Variants in ASIC2 observed in about 807,000 individuals in gnomAD.
The protein encoded by ASIC2 is acid-sensing ion channel 2.
ASIC2 carries 25 observed loss-of-function variants against 57.3 expected under a neutral mutation model. The ratio of observed to expected loss-of-function variants is 0.44; its 90% CI spans 0.32 to 0.61. ASIC2 has a LOEUF of 0.61. Among genes scored for constraint, ASIC2 ranks in the 20% least tolerant of loss-of-function variants. The probability of loss-of-function intolerance (pLI) is 0.06; values close to 1 mark genes in which losing one functional copy is unlikely to be tolerated. For synonymous variants in ASIC2, 319 were observed against 307.5 expected (o/e 1.04, Z -0.39); for missense variants, 641 against 738.1 (o/e 0.87, Z 1.52).
intron 1 of ASIC2, among the ~76,000 whole-genome samples, chr17:33,458,332 G>A (rs1912522894): frequency 6.6e-6 from 1 of 152,182 alleles, no homozygotes; most frequent in Admixed American, 6.5e-5. Context: ...CAAAGGCTAG[G>A]GAGCCTCATA....
intron 1 of ASIC2, among the ~76,000 whole-genome samples, chr17:34,095,674 GAGAGAGATATATATAATTTTATAT>G (rs1910513451): frequency 8.6e-6 from 1 of 116,434 alleles, no homozygotes; most frequent in South Asian, 2.7e-4. Context: ...TATATATAGA[GAGAGAGATATATATAATTTTATAT>G]AGAGATATAT....
intron 1 of ASIC2, among the ~76,000 whole-genome samples, chr17:33,614,795 G>A: frequency 6.6e-6 from 1 of 152,188 alleles, no homozygotes. Context: ...TCTTCCAGAG[G>A]GAGTATAACA....
chr17:33,610,125 C>T (rs1447758590), intron 1 of ASIC2, among the ~76,000 whole-genome samples: 1 of 151,994 alleles, frequency 6.6e-6, no homozygotes, highest in Non-Finnish European at 1.5e-5. Context: ...TGCCTTGAGT[C>T]TGAAAGAAGC....
At chr17:34,098,471 A>G (rs1910626788) in intron 1 of ASIC2, among the ~76,000 whole-genome samples, 1 of 152,188 alleles carries the variant, frequency 6.6e-6, no homozygotes, top group Non-Finnish European at 1.5e-5. Context: ...AGGTTTTCTA[A>G]AGATTACAGC....
chr17:34,106,715 C>T (rs1000806850), intron 1 of ASIC2, among the ~76,000 whole-genome samples: 2 of 152,100 alleles, frequency 1.3e-5, no homozygotes, highest in Non-Finnish European at 2.9e-5. Flanking sequence ...GTGAGAACTC[C>T]TTAAAGCTAG....
chr17:33,160,078 G>A (rs1252775255), intron 1 of ASIC2, among the ~76,000 whole-genome samples: 2 of 151,948 alleles, frequency 1.3e-5, no homozygotes, highest in African/African-American at 4.8e-5. Context: ...GCATGGTGGT[G>A]CACACCTGTA....
At chr17:33,476,616 C>T (rs1237383730) in intron 1 of ASIC2, among the ~76,000 whole-genome samples, 1 of 150,370 alleles carries the variant, frequency 6.7e-6, no homozygotes, top group Admixed American at 6.6e-5. Context: ...GAGCTACCCT[C>T]AAGGGAGGTG....
chr17:33,845,354 G>C (rs187047407), intron 1 of ASIC2, among the ~76,000 whole-genome samples: 1 of 152,066 alleles, frequency 6.6e-6, no homozygotes, highest in Non-Finnish European at 1.5e-5. Context: ...TTTGTTTTAC[G>C]AGTAATATTA....
chr17:33,025,569 C>T (rs572329509), intron 5 of ASIC2, among the ~76,000 whole-genome samples: 1 of 152,236 alleles, frequency 6.6e-6, no homozygotes, highest in South Asian at 2.1e-4. Flanking sequence ...TGATGCCTAC[C>T]TGGCTGCCCA....
Position 33,251,774 on chromosome 17 carries a change from G to A in ASIC2, c.708+39634C>T, listed in dbSNP as rs377380519. Among the ~76,000 whole-genome samples the A allele has an allele frequency of 2.7e-4, 41 of 152,286 alleles. 1 individual carries two copies. In the South Asian group the frequency reaches 8.5e-3, roughly 32 times the overall value. The stretch of plus-strand genomic sequence containing the variant: ...CTCAATGTCATACAGCTAATAAGAT[G>A]ATAGTTTCAGGATTCAAACTCAGAT... On this transcript the variant is annotated intron_variant, in intron 1 of 9. Coordinates refer to ENST00000225823, the MANE Select transcript of ASIC2 (RefSeq NM_183377.2).
intron 1 of ASIC2, among the ~76,000 whole-genome samples, chr17:33,923,343 A>G (rs1915749905): frequency 6.6e-6 from 1 of 152,220 alleles, no homozygotes; most frequent in Non-Finnish European, 1.5e-5. Flanking sequence ...CCATCTACCC[A>G]ACCACATTTA....
At chr17:33,306,948 C>A (rs1239119989) in intron 1 of ASIC2, among the ~76,000 whole-genome samples, 2 of 152,118 alleles carry the variant, frequency 1.3e-5, no homozygotes, top group African/African-American at 2.4e-5. Context: ...GATTGCAGCC[C>A]TGTCCTTTTG....
At chr17:34,059,015 C>A (rs958061294) in intron 1 of ASIC2, among the ~76,000 whole-genome samples, 1 of 152,178 alleles carries the variant, frequency 6.6e-6, no homozygotes, top group Admixed American at 6.5e-5. Flanking sequence ...GGAGGCAGGA[C>A]TAGATTGCAG....
chr17:33,424,593 CT>C (rs1447513094), intron 1 of ASIC2, among the ~76,000 whole-genome samples: 1 of 152,230 alleles, frequency 6.6e-6, no homozygotes, highest in African/African-American at 2.4e-5. Context: ...CAATTAACAT[CT>C]CCTTTTAAAA....
chr17:33,066,436 C>G (rs1404273799), intron 3 of ASIC2, among the ~76,000 whole-genome samples: 1 of 152,140 alleles, frequency 6.6e-6, no homozygotes, highest in Non-Finnish European at 1.5e-5. Context: ...GGAGGCCACC[C>G]AGCCTGGTGC....
intron 1 of ASIC2, among the ~76,000 whole-genome samples, chr17:33,195,151 A>T (rs1401948388): frequency 6.6e-6 from 1 of 152,194 alleles, no homozygotes; most frequent in Non-Finnish European, 1.5e-5. Flanking sequence ...AAATTTAAAA[A>T]GTGAGATGTC....
intron 1 of ASIC2, among the ~76,000 whole-genome samples, chr17:33,529,574 T>G (rs1914987770): frequency 6.6e-6 from 1 of 152,208 alleles, no homozygotes; most frequent in Non-Finnish European, 1.5e-5. Flanking sequence ...GTTTGGGGTT[T>G]TATTTGGACT....
intron 1 of ASIC2, among the ~76,000 whole-genome samples, chr17:33,859,908 C>T (rs1273041967): frequency 4.6e-5 from 7 of 152,194 alleles, no homozygotes; most frequent in African/African-American, 1.7e-4. Context: ...TGGTCTTGAA[C>T]TTCTGTGTTC....
At chr17:33,200,767 A>G (rs1906826819) in intron 1 of ASIC2, among the ~76,000 whole-genome samples, 1 of 152,190 alleles carries the variant, frequency 6.6e-6, no homozygotes, top group Non-Finnish European at 1.5e-5. Context: ...CACAGCAGTC[A>G]GAGTGATCCT....
Sources: allele counts gnomAD v4.1 joint callset (sites outside exome capture counted in the v4.1 genomes callset), GRCh38; gene constraint gnomAD v4.1.1; transcripts MANE v1.5; gene names NCBI Gene and HGNC (gene_info 2026-07-23, HGNC 2026-07-21).